The following ERC2 variants were observed in gnomAD, a reference collection of about 807,000 sequenced individuals.
ERC2 encodes the protein ERC protein 2.
ERC2 carries 42 observed loss-of-function variants against 114.8 expected under a neutral mutation model. The observed-to-expected ratio is 0.37, with a 90% CI of 0.29 to 0.47. The LOEUF (loss-of-function observed/expected upper bound fraction) is 0.47, where lower values mean the gene tolerates loss of function less well. Among genes scored for constraint, ERC2 ranks in the 20% least tolerant of loss-of-function variants. The probability of loss-of-function intolerance (pLI) is 0.99; values close to 1 mark genes in which losing one functional copy is unlikely to be tolerated. For missense variants in ERC2, 939 were observed against 1,150.7 expected (o/e 0.82, Z 2.66); for synonymous variants, 454 against 425.5 (o/e 1.07, Z -0.82).
At chr3:55,563,256 G>A (rs976341439) in intron 17 of ERC2, among the ~76,000 whole-genome samples, 5 of 151,872 alleles carry the variant, frequency 3.3e-5, no homozygotes, top group Non-Finnish European at 7.4e-5. Context: ...CCCTCTGCGT[G>A]GCCATCAGAA....
At chr3:56,006,140 T>C (rs553606936) in intron 10 of ERC2, among the ~76,000 whole-genome samples, 23 of 152,066 alleles carry the variant, frequency 1.5e-4, no homozygotes, top group Non-Finnish European at 2.4e-4. Flanking sequence ...AAGTAGACTT[T>C]CTTAGTGTGA....
intron 14 of ERC2, among the ~76,000 whole-genome samples, chr3:55,790,486 C>G (rs1018801009): frequency 1.3e-5 from 2 of 152,180 alleles, no homozygotes; most frequent in African/African-American, 4.8e-5. Context: ...ACCGTTGACA[C>G]CAGCAATTCT....
At chr3:55,844,680 C>T (rs926138727) in intron 14 of ERC2, among the ~76,000 whole-genome samples, 1 of 152,158 alleles carries the variant, frequency 6.6e-6, no homozygotes, top group Non-Finnish European at 1.5e-5. Context: ...TTCATGCATG[C>T]ATGCTATATC....
At chr3:56,431,620 G>A (rs1335706104) in intron 2 of ERC2, among the ~76,000 whole-genome samples, 2 of 152,030 alleles carry the variant, frequency 1.3e-5, no homozygotes, top group Non-Finnish European at 2.9e-5. Flanking sequence ...CTGACCAACA[G>A]GTACTCCTAT....
At chr3:56,392,990 C>T (rs1304259279) in intron 2 of ERC2, among the ~76,000 whole-genome samples, 1 of 152,240 alleles carries the variant, frequency 6.6e-6, no homozygotes, top group Non-Finnish European at 1.5e-5. Context: ...GTGCCTCCCA[C>T]TCAACACCTC....
Position 56,126,982 on chromosome 3 carries a change from G to T in ERC2, c.1473+12527C>A, listed in dbSNP as rs182092228. Among the ~76,000 whole-genome samples, 385 of 151,984 alleles carry T rather than the reference G, an allele frequency of 2.5e-3. 2 individuals carry two copies. The highest frequency in any genetic ancestry group is 0.011 in the Admixed American group (168 of 15,242). On this transcript the variant is annotated intron_variant, in intron 6 of 17. Transcript: ENST00000288221. Reference sequence around the variant, plus strand: ...ATCACCAAATTCAGTAAGGATGCAGGGTTACAAAATCAATATACAAAAATC... The same window carrying T: ...ATCACCAAATTCAGTAAGGATGCAGTGTTACAAAATCAATATACAAAAATC...
chr3:56,100,848 G>A (rs1031460277), intron 6 of ERC2, among the ~76,000 whole-genome samples: 10 of 152,060 alleles, frequency 6.6e-5, no homozygotes, highest in African/African-American at 2.4e-4. Flanking sequence ...ATAAGCTCTT[G>A]GTTATTTCAT....
intron 17 of ERC2, among the ~76,000 whole-genome samples, chr3:55,654,142 C>T (rs1454577085): frequency 6.6e-6 from 1 of 152,230 alleles, no homozygotes; most frequent in African/African-American, 2.4e-5. Context: ...AAAAGAAACA[C>T]ACAGGTCTCA....
At chr3:55,886,573 G>C (rs1044388947) in intron 14 of ERC2, among the ~76,000 whole-genome samples, 1 of 152,064 alleles carries the variant, frequency 6.6e-6, no homozygotes, top group South Asian at 2.1e-4. Flanking sequence ...ATTCATAAAT[G>C]GACTTTCCAC....
rs565176074 is a variant in ERC2 at position 55,734,370 on chromosome 3, T to C, written c.2712+401A>G. On this transcript the variant is annotated intron_variant, in intron 15 of 17. Transcript: ENST00000288221. ...CTAAAAACCTGGATGAGGGCAATTC[T>C]TTACAGGGACCAGAAAATGAGCAAG... Among the ~76,000 whole-genome samples the C allele has an allele frequency of 9.9e-5, 15 of 152,260 alleles. No individual in the cohort carries two copies. The South Asian group carries it at 2.9e-3, about 29-fold the overall frequency.
At chr3:56,145,039 T>C (rs1254970866) in intron 5 of ERC2, among the ~76,000 whole-genome samples, 1 of 152,158 alleles carries the variant, frequency 6.6e-6, no homozygotes, top group African/African-American at 2.4e-5. Context: ...CATGTGGACA[T>C]CAGGCACACT....
chr3:56,095,853 A>C (rs538786195), intron 6 of ERC2, among the ~76,000 whole-genome samples: 143 of 152,332 alleles, frequency 9.4e-4, no homozygotes, highest in African/African-American at 3.2e-3. Context: ...ATGGTGGTAC[A>C]TATTATAGCT....
intron 3 of ERC2, among the ~76,000 whole-genome samples, chr3:56,261,754 G>A (rs1190190962): frequency 6.6e-6 from 1 of 152,090 alleles, no homozygotes; most frequent in Non-Finnish European, 1.5e-5. Context: ...GTGTAGGTTT[G>A]TTACATAGGT....
intron 17 of ERC2, among the ~76,000 whole-genome samples, chr3:55,619,231 CT>C (rs1463602262): frequency 1.3e-5 from 2 of 152,138 alleles, no homozygotes; most frequent in Non-Finnish European, 2.9e-5. Flanking sequence ...CTATTGGAAC[CT>C]GGAAACTGGA....
intron 6 of ERC2, among the ~76,000 whole-genome samples, chr3:56,086,780 A>C (rs1476819176): frequency 2.0e-5 from 3 of 152,106 alleles, no homozygotes; most frequent in African/African-American, 7.2e-5. Context: ...TTCTGACTCC[A>C]CTCAACAGAG....
intron 13 of ERC2, among the ~76,000 whole-genome samples, chr3:55,941,406 C>T (rs540849263): frequency 1.2e-4 from 18 of 152,308 alleles, no homozygotes; most frequent in African/African-American, 4.1e-4. Context: ...TTGCCCACCT[C>T]TATTGACTCA....
intron 3 of ERC2, among the ~76,000 whole-genome samples, chr3:56,228,252 T>C (rs150036094): frequency 1.2e-3 from 185 of 152,350 alleles, no homozygotes; most frequent in African/African-American, 4.4e-3. Flanking sequence ...CCTGTAGATT[T>C]CAGTGGAATA....
chr3:55,988,813 A>G (rs1363700068), intron 11 of ERC2, among the ~76,000 whole-genome samples: 1 of 152,250 alleles, frequency 6.6e-6, no homozygotes, highest in African/African-American at 2.4e-5. Context: ...CACATTGCTA[A>G]GAACTCTTTA....
chr3:56,116,563 T>C (rs1295314539), intron 6 of ERC2, among the ~76,000 whole-genome samples: 3 of 152,252 alleles, frequency 2.0e-5, no homozygotes, highest in African/African-American at 7.2e-5. Flanking sequence ...ATTCATAAAG[T>C]CAGGCTCTTC....
Sources: allele counts gnomAD v4.1 joint callset (sites outside exome capture counted in the v4.1 genomes callset), GRCh38; gene constraint gnomAD v4.1.1; transcripts MANE v1.5; gene names NCBI Gene and HGNC (gene_info 2026-07-23, HGNC 2026-07-21).